The following ZBTB16 variants were observed in gnomAD, a reference collection of about 807,000 sequenced individuals.
ZBTB16 encodes zinc finger and BTB domain-containing protein 16.
ZBTB16 carries 8 observed loss-of-function variants against 56.8 expected under a neutral mutation model. That is an observed-to-expected ratio of 0.14 (90% CI 0.08 to 0.25). The LOEUF (loss-of-function observed/expected upper bound fraction) is 0.25. Among genes scored for constraint, ZBTB16 ranks in the 10% least tolerant of loss-of-function variants. The probability of loss-of-function intolerance (pLI) is 1.00; values close to 1 mark genes in which losing one functional copy is unlikely to be tolerated. For synonymous variants in ZBTB16, 363 were observed against 368.5 expected (o/e 0.98, Z 0.17); for missense variants, 625 against 903.0 (o/e 0.69, Z 3.95).
chr11:114,148,369 CT>C (rs1431954552), intron 2 of ZBTB16, among the ~76,000 whole-genome samples: 2 of 142,196 alleles, frequency 1.4e-5, no homozygotes, highest in African/African-American at 2.7e-5. Flanking sequence ...TCCTTCCTTC[CT>C]TCCTTCCTTC....
At chr11:114,177,226 A>G (rs1353348545) in intron 3 of ZBTB16, among the ~76,000 whole-genome samples, 1 of 152,190 alleles carries the variant, frequency 6.6e-6, no homozygotes, top group Non-Finnish European at 1.5e-5. Flanking sequence ...TGAGGCTGCG[A>G]AGTTGATGCT....
chr11:114,164,632 G>A (rs909460456), intron 3 of ZBTB16, among the ~76,000 whole-genome samples: 1 of 152,180 alleles, frequency 6.6e-6, no homozygotes, highest in African/African-American at 2.4e-5. Flanking sequence ...TGGCTTCGCA[G>A]ACACACACCC....
chr11:114,096,866 G>A (rs578209522), intron 2 of ZBTB16, among the ~76,000 whole-genome samples: 7 of 152,232 alleles, frequency 4.6e-5, no homozygotes, highest in African/African-American at 1.4e-4. Flanking sequence ...AAGCACAAAC[G>A]ATGGATTCCT....
intron 4 of ZBTB16, among the ~76,000 whole-genome samples, chr11:114,232,592 A>AGGGTTGGGCTGGGTT (rs1047429246): frequency 9.2e-6 from 1 of 108,258 alleles, no homozygotes; most frequent in Non-Finnish European, 1.9e-5. Flanking sequence ...TGCCCCACCC[A>AGGGTTGGGCTGGGTT]GGGTTGGGCT....
rs77286782 is a variant in ZBTB16 at position 114,173,713 on chromosome 11, G to T, written c.1367-13239G>T. On this transcript the variant is annotated intron_variant, in intron 3 of 6. Coordinates refer to ENST00000335953, the MANE Select transcript of ZBTB16 (RefSeq NM_006006.6). ...CCTTTACAGCCGAGAGTGAGGATCT[G>T]CTCGACAAGCCTTGATTAACTAGGA... Among the ~76,000 whole-genome samples, 1,439 of 152,326 alleles carry T rather than the reference G, an allele frequency of 9.4e-3. 18 individuals are homozygous for T. Among genetic ancestry groups the T allele is most frequent in the African/African-American group, 0.033 (1,363 of 41,568 alleles).
chr11:114,134,346 T>TTTTC (rs200564067), intron 2 of ZBTB16, among the ~76,000 whole-genome samples: 9,830 of 152,148 alleles, frequency 0.065, 457 homozygotes, highest in Non-Finnish European at 0.09. Context: ...GTACTGGGCC[T>TTTTC]TTTCTTTCTT....
rs1028744302 is a variant in ZBTB16 at position 114,254,133 on chromosome 11, G to A, written c.*3578G>A. The stretch of plus-strand genomic sequence containing the variant: ...CTATTCACTCCTTCACTCATTCAAA[G>A]CATTAAAATCCTATGTATATATAGG... On this transcript the variant is annotated 3_prime_UTR_variant, in exon 7 of 7. Transcript: ENST00000335953. Among the ~76,000 whole-genome samples the A allele has an allele frequency of 2.0e-5, 3 of 151,750 alleles. No homozygotes were observed. The highest frequency in any genetic ancestry group is 2.9e-5 in the Non-Finnish European group (2 of 67,988).
rs138760927 is a variant in ZBTB16 at position 114,087,384 on chromosome 11, C to T, written c.1268+22816C>T. ...CACACATTCTTTTCCAGTAGCCTCA[C>T]GGGCACACCAGTCCTGCAAGGATCT... On this transcript the variant is annotated intron_variant, in intron 2 of 6. Transcript: ENST00000335953. Among the ~76,000 whole-genome samples, 550 of 151,708 alleles carry T rather than the reference C, an allele frequency of 3.6e-3. 2 individuals are homozygous for T. The highest frequency in any genetic ancestry group is 5.8e-3 in the Non-Finnish European group (394 of 67,894).
chr11:114,191,215 G>A (rs542327332), intron 4 of ZBTB16, among the ~76,000 whole-genome samples: 1 of 152,094 alleles, frequency 6.6e-6, no homozygotes, highest in South Asian at 2.1e-4. Flanking sequence ...CATGAGATTT[G>A]GACAGGACAA....
At chr11:114,175,513 G>C (rs1943086353) in intron 3 of ZBTB16, among the ~76,000 whole-genome samples, 1 of 151,658 alleles carries the variant, frequency 6.6e-6, no homozygotes, top group African/African-American at 2.4e-5. Flanking sequence ...CTGGAGTGCA[G>C]TGGCGTGATT....
intron 4 of ZBTB16, among the ~76,000 whole-genome samples, chr11:114,216,182 C>A (rs1425317473): frequency 6.6e-6 from 1 of 152,216 alleles, no homozygotes; most frequent in Admixed American, 6.5e-5. Context: ...TGCACCCTTT[C>A]CCTTGCACAC....
chr11:114,142,389 G>A (rs1160578250), intron 2 of ZBTB16, among the ~76,000 whole-genome samples: 1 of 152,178 alleles, frequency 6.6e-6, no homozygotes, highest in Non-Finnish European at 1.5e-5. Flanking sequence ...AGAGTTAAAA[G>A]TTCTGATTTA....
At chr11:114,169,672 A>G (rs77669868) in intron 3 of ZBTB16, among the ~76,000 whole-genome samples, 23,625 of 152,112 alleles carry the variant, frequency 0.16, 2,028 homozygotes, top group East Asian at 0.29. Flanking sequence ...GGGTGACACG[A>G]GCCCCCTGGC....
chr11:114,219,708 G>A (rs1422225959), intron 4 of ZBTB16, among the ~76,000 whole-genome samples: 1 of 152,102 alleles, frequency 6.6e-6, no homozygotes, highest in Non-Finnish European at 1.5e-5. Flanking sequence ...TAAGACAAAT[G>A]TGAGTAAGGA....
intron 4 of ZBTB16, among the ~76,000 whole-genome samples, chr11:114,241,239 A>C (rs1944695444): frequency 6.6e-6 from 1 of 152,116 alleles, no homozygotes; most frequent in Middle Eastern, 3.4e-3. Flanking sequence ...TAGTTAAAAA[A>C]AAAAAACAAA....
chr11:114,220,156 T>G (rs1384803540), intron 4 of ZBTB16, among the ~76,000 whole-genome samples: 1 of 152,176 alleles, frequency 6.6e-6, no homozygotes, highest in Non-Finnish European at 1.5e-5. Flanking sequence ...AGGCTGGTCA[T>G]TCAGATAGGA....
At chr11:114,195,721 G>A (rs1483317017) in intron 4 of ZBTB16, among the ~76,000 whole-genome samples, 1 of 152,106 alleles carries the variant, frequency 6.6e-6, no homozygotes, top group Non-Finnish European at 1.5e-5. Flanking sequence ...TATAGGCCTC[G>A]CATGGAGTAA....
chr11:114,249,398 C>T (rs998089976), intron 6 of ZBTB16, among the ~76,000 whole-genome samples: 1 of 130,794 alleles, frequency 7.6e-6, no homozygotes, highest in African/African-American at 2.9e-5. Flanking sequence ...GCAGAGGTTG[C>T]AGTGAGCTGA....
chr11:114,069,344 C>T (rs917230255), intron 2 of ZBTB16, among the ~76,000 whole-genome samples: 4 of 152,232 alleles, frequency 2.6e-5, no homozygotes, highest in African/African-American at 9.6e-5. Flanking sequence ...CTCGGCCTCC[C>T]AAAGTGCTGG....
Sources: gnomAD v4.1 joint callset for allele counts (sites outside exome capture counted in the v4.1 genomes callset) on GRCh38, gnomAD v4.1.1 for gene constraint, MANE v1.5 for transcripts, NCBI Gene and HGNC (gene_info 2026-07-23, HGNC 2026-07-21) for gene names.